The following ARHGAP5 variants were observed in gnomAD, a reference collection of about 807,000 sequenced individuals.
ARHGAP5 encodes the protein rho GTPase-activating protein 5.
Under a neutral mutation model 116.6 loss-of-function variants are expected in ARHGAP5, and 23 were observed. The ratio of observed to expected loss-of-function variants is 0.20; its 90% CI spans 0.14 to 0.28. The LOEUF (loss-of-function observed/expected upper bound fraction) is 0.28, where lower values mean the gene tolerates loss of function less well. Among genes scored for constraint, ARHGAP5 ranks in the 10% least tolerant of loss-of-function variants. The pLI, the probability that ARHGAP5 is intolerant of heterozygous loss-of-function variation, is 1.00. For synonymous variants in ARHGAP5, 574 were observed against 602.0 expected, an observed-to-expected ratio of 0.95 and a Z score of 0.68; for missense variants, 1,405 against 1,774.8, an observed-to-expected ratio of 0.79 and a Z score of 3.74.
At chr14:32,104,983 G>A (rs1284255196) in intron 2 of ARHGAP5, among the ~76,000 whole-genome samples, 2 of 152,132 alleles carry the variant, frequency 1.3e-5, no homozygotes, top group Non-Finnish European at 2.9e-5. Flanking sequence ...CTAGTGGGTA[G>A]AAGCCAGGGT....
Position 32,158,011 on chromosome 14 carries a change from G to T in ARHGAP5, c.*3063G>T, listed in dbSNP as rs1185575418. 1 of 151,562 alleles carries T rather than the reference G, an allele frequency of 6.6e-6. No homozygotes were observed. The highest frequency in any genetic ancestry group is 1.5e-5 in the Non-Finnish European group (1 of 67,662). The allele number at this position is 151,562 out of a possible 1,614,324, so 9.4% of individuals were successfully genotyped here. ...CATATAATTTTAAAAAGTCAAAAGT[G>T]CTTTTGTTTCTTTGTTTAATGTAAT... On this transcript the variant is annotated 3_prime_UTR_variant, in exon 7 of 7. Transcript: ENST00000345122.
chr14:32,146,191 A>G (rs1881370286), intron 3 of ARHGAP5, 72 bp from the exon 4 acceptor site: 3 of 1,153,838 alleles, frequency 2.6e-6, no homozygotes, highest in Non-Finnish European at 3.8e-6. Context: ...GATTACAAAC[A>G]TGAGCCACTG....
chr14:32,086,030 T>A (rs1488101898), intron 1 of ARHGAP5, among the ~76,000 whole-genome samples: 2 of 152,164 alleles, frequency 1.3e-5, no homozygotes, highest in African/African-American at 4.8e-5. Flanking sequence ...GATATACTGG[T>A]GAAATAAAGA....
intron 3 of ARHGAP5, among the ~76,000 whole-genome samples, chr14:32,141,987 A>C (rs1226283913): frequency 6.6e-6 from 1 of 152,040 alleles, no homozygotes; most frequent in African/African-American, 2.4e-5. Context: ...TTAAAAATTC[A>C]CTGATTACTC....
chr14:32,140,520 G>A (rs1346491111), intron 3 of ARHGAP5, among the ~76,000 whole-genome samples: 1 of 152,102 alleles, frequency 6.6e-6, no homozygotes, highest in Non-Finnish European at 1.5e-5. Flanking sequence ...AACCCAGGAG[G>A]CGGAGCTTGC....
At chr14:32,104,348 A>T (rs1400264497) in intron 2 of ARHGAP5, among the ~76,000 whole-genome samples, 3 of 152,188 alleles carry the variant, frequency 2.0e-5, no homozygotes, top group African/African-American at 7.2e-5. Flanking sequence ...CTTAGAGAAT[A>T]AAGGTTCCTG....
At chr14:32,116,036 C>A (rs964084826) in intron 2 of ARHGAP5, among the ~76,000 whole-genome samples, 2 of 151,800 alleles carry the variant, frequency 1.3e-5, no homozygotes, top group Non-Finnish European at 2.9e-5. Context: ...GCCTGTAATC[C>A]CAGCACTTTG....
chr14:32,140,951 C>G (rs1232685027), intron 3 of ARHGAP5, among the ~76,000 whole-genome samples: 1 of 151,988 alleles, frequency 6.6e-6, no homozygotes, highest in Non-Finnish European at 1.5e-5. Flanking sequence ...TTTATTTCTC[C>G]CTTCAATTCT....
intron 2 of ARHGAP5, among the ~76,000 whole-genome samples, chr14:32,103,204 T>G (rs1191547896): frequency 6.6e-6 from 1 of 152,240 alleles, no homozygotes; most frequent in Admixed American, 6.5e-5. Context: ...TATGATAACA[T>G]AAGTGTGGAT....
rs1555359273 is a variant in ARHGAP5, at chr14:32,143,236, GTTGTTA to G, written c.3866-3024_3866-3019del. On this transcript the variant is annotated intron_variant, in intron 3 of 6. Transcript: ENST00000345122. ...TGTTGTTGTTGTTGTTGTTGTTGTT[GTTGTTA>G]TTATTATTATTATTATTTGAGACGG... Among the ~76,000 whole-genome samples the G allele has an allele frequency of 6.6e-3, 946 of 143,612 alleles. 5 individuals are homozygous for G. Among genetic ancestry groups the G allele is most frequent in the Middle Eastern group, 0.01 (3 of 288 alleles). 94.2% of individuals were successfully genotyped at this position (143,612 alleles called of 152,430 possible).
In ARHGAP5 at chr14:32,093,680, C is replaced by T. The variant is rs1378012769; in HGVS notation, c.3011C>T (p.Pro1004Leu). 6.2e-7 allele frequency: 1 copy of T among 1,614,016 alleles called. No individual in the cohort carries two copies. Among genetic ancestry groups the T allele is most frequent in the East Asian group, 2.2e-5 (1 of 44,886 alleles). ...IGDDVQLLPT[P>L]SDRSRYRLDL... ...GATGATGTACAGTTGCTTCCAACAC[C>T]TAGTGACCGTTCCAGATATAGATTA... Residue 1004 changes from proline to leucine, a missense_variant, in exon 2 of 7, where the codon CCT becomes CTT. This residue lies in a region of ARHGAP5 where 944 missense variants were observed against 1,095.3 expected (regional missense o/e 0.86). Coordinates refer to ENST00000345122, the MANE Select transcript of ARHGAP5 (RefSeq NM_001030055.2).
chr14:32,093,695 G>C lies in ARHGAP5; in HGVS notation c.3026G>C (p.Arg1009Thr). The C allele has an allele frequency of 6.2e-7, 1 of 1,614,030 alleles. No individual in the cohort carries two copies. Among genetic ancestry groups the C allele is most frequent in the Non-Finnish European group, 8.5e-7 (1 of 1,179,972 alleles). Residue 1009 changes from arginine (R) to threonine (T), a missense_variant, in exon 2 of 7, where the codon AGA (arginine) becomes ACA (threonine). Physicochemically the swap from Arg to Thr is moderately conservative, Grantham distance 71. This residue lies in a region of ARHGAP5 where 944 missense variants were observed against 1,095.3 expected (regional missense o/e 0.86). Coordinates refer to ENST00000345122, the MANE Select transcript of ARHGAP5 (RefSeq NM_001030055.2). Reference protein sequence around the residue: ...QLLPTPSDRSRYRLDLEGNEY... With the variant: ...QLLPTPSDRSTYRLDLEGNEY... Reference sequence around the variant, plus strand: ...CTTCCAACACCTAGTGACCGTTCCAGATATAGATTAGATTTGGAAGGAAAT... The same window carrying C: ...CTTCCAACACCTAGTGACCGTTCCACATATAGATTAGATTTGGAAGGAAAT...
chr14:32,093,303 T>C lies in ARHGAP5; in HGVS notation c.2634T>C (p.Pro878=), dbSNP rs61737869. 213 of 1,613,906 alleles carry C rather than the reference T, an allele frequency of 1.3e-4. No homozygotes were observed. The African/African-American group carries it at 2.7e-3, about 20-fold the overall frequency. ...TATCAGAAGTTCAAGACACCATTCC[T>C]GTACAGCTGGTGGCAGTTACTGACA... ...AFLSEVQDTI[P]VQLVAVTDSQ... Residue 878 remains proline, a synonymous_variant, in exon 2 of 7, where the codon CCT becomes CCC. Transcript: ENST00000345122.
At chr14:32,098,374 G>C (rs886801277) in intron 2 of ARHGAP5, among the ~76,000 whole-genome samples, 3 of 152,178 alleles carry the variant, frequency 2.0e-5, no homozygotes, top group Non-Finnish European at 4.4e-5. Context: ...TTTGAATTAG[G>C]ATGCGCTAAT....
At chr14:32,082,261 T>G (rs915966990) in intron 1 of ARHGAP5, among the ~76,000 whole-genome samples, 2 of 152,234 alleles carry the variant, frequency 1.3e-5, no homozygotes, top group African/African-American at 4.8e-5. Context: ...TTCATATGTT[T>G]TCTTTAGAAA....
At chr14:32,143,035 A>G (rs1279223749) in intron 3 of ARHGAP5, among the ~76,000 whole-genome samples, 1 of 152,184 alleles carries the variant, frequency 6.6e-6, no homozygotes. Context: ...CTGAAGGTGT[A>G]GGGGAACAGG....
At position 32,091,514 on chromosome 14, in the gene ARHGAP5, C is replaced by T. The variant is rs1279202197; in HGVS notation, c.845C>T (p.Thr282Ile). The T allele has an allele frequency of 6.2e-7, 1 of 1,613,074 alleles. No individual in the cohort carries two copies. Among genetic ancestry groups the T allele is most frequent in the Non-Finnish European group, 8.5e-7 (1 of 1,179,486 alleles). Residue 282 changes from threonine to isoleucine, a missense_variant, in exon 2 of 7, where the codon ACT becomes ATT. Around this residue, in one of 6 missense-constraint regions of ARHGAP5, gnomAD observed 944 missense variants for 1,095.3 expected, o/e 0.86. Coordinates refer to ENST00000345122, the MANE Select transcript of ARHGAP5 (RefSeq NM_001030055.2). ...GATAAGTTTGAAAAACTTGTGCAGA[C>T]TGTGAGAGATTATCATGCAACTTGG... ...ATDKFEKLVQ[T>I]VRDYHATWKT...
At chr14:32,087,410 C>G (rs1046207338) in intron 1 of ARHGAP5, among the ~76,000 whole-genome samples, 1 of 151,242 alleles carries the variant, frequency 6.6e-6, no homozygotes, top group Non-Finnish European at 1.5e-5. Flanking sequence ...TAGCCAAACC[C>G]TTTTGAGGGC....
At chr14:32,109,014 TGATA>T (rs1458235998) in intron 2 of ARHGAP5, among the ~76,000 whole-genome samples, 5 of 152,288 alleles carry the variant, frequency 3.3e-5, no homozygotes, top group African/African-American at 9.6e-5. Context: ...TGTTGCTGCT[TGATA>T]GATTGAATTC....
Sources: allele counts gnomAD v4.1 joint callset (sites outside exome capture counted in the v4.1 genomes callset), GRCh38; gene constraint gnomAD v4.1.1; regional missense constraint gnomAD v4.1.1; transcripts MANE v1.5; gene names NCBI Gene and HGNC (gene_info 2026-07-23, HGNC 2026-07-21).